MAP2K1: variants seen among roughly 807,000 people sequenced by gnomAD.
MAP2K1 encodes mitogen-activated protein kinase kinase 1.
MAP2K1 carries 16 observed loss-of-function variants against 46.3 expected under a neutral mutation model. That is an observed-to-expected ratio of 0.35 (90% CI 0.23 to 0.52). MAP2K1 has a LOEUF of 0.52. MAP2K1 is among the 20% of genes least tolerant of loss of function. The probability of loss-of-function intolerance (pLI) is 0.94; values close to 1 mark genes in which losing one functional copy is unlikely to be tolerated. For synonymous variants in MAP2K1, 183 were observed against 185.6 expected, an observed-to-expected ratio of 0.99 and a Z score of 0.11; for missense variants, 263 against 497.1, an observed-to-expected ratio of 0.53 and a Z score of 4.48.
rs574521311 is a variant in MAP2K1, at chr15:66,437,199, A to G, written c.438+307A>G. ...GTGATGTAAGTAAAATCTGGTAAAT[A>G]CAGTTTAAATCCATTTCTTGTGTAC... On this transcript the variant is annotated intron_variant, in intron 3 of 10. Transcript: ENST00000307102. 7.9e-5 allele frequency among the ~76,000 whole-genome samples: 12 copies of G among 152,292 alleles called. No individual in the cohort carries two copies. In the East Asian group the frequency reaches 1.9e-3, roughly 24 times the overall value.
Position 66,434,010 on chromosome 15 carries a change from G to A in MAP2K1, c.81-1017G>A, listed in dbSNP as rs559534261. On this transcript the variant is annotated intron_variant, in intron 1 of 10. Coordinates refer to ENST00000307102, the MANE Select transcript of MAP2K1 (RefSeq NM_002755.4). ...CCACTCGCTTCAGCACCCACTGGCT[G>A]AATTATGTGCTTACCAAGAGCCAGC... Among the ~76,000 whole-genome samples, 7 of 152,342 alleles carry A rather than the reference G, an allele frequency of 4.6e-5. No individual in the cohort carries two copies. The South Asian group carries it at 1.2e-3, about 27-fold the overall frequency.
At position 66,478,520 on chromosome 15, in the gene MAP2K1, A is replaced by T. The variant is rs1892835486; in HGVS notation, c.569-3235A>T. Reference sequence around the variant, plus strand: ...TATATATATATATTTTTTTTTTGAGACAAGAGTGTCACTCTTTGCCCAGGC... The same window carrying T: ...TATATATATATATTTTTTTTTTGAGTCAAGAGTGTCACTCTTTGCCCAGGC... On this transcript the variant is annotated intron_variant, in intron 5 of 10. Transcript: ENST00000307102. 3.4e-5 allele frequency among the ~76,000 whole-genome samples: 5 copies of T among 145,392 alleles called. No individual in the cohort carries two copies. The South Asian group carries it at 1.1e-3, about 31-fold the overall frequency.
At chr15:66,471,802 G>T (rs186726248) in intron 5 of MAP2K1, among the ~76,000 whole-genome samples, 1 of 152,052 alleles carries the variant, frequency 6.6e-6, no homozygotes, top group Admixed American at 6.6e-5. Flanking sequence ...GTTAGTGGCC[G>T]GGCATGGTGG....
At chr15:66,424,800 T>C (rs2093453046) in intron 1 of MAP2K1, among the ~76,000 whole-genome samples, 2 of 140,264 alleles carry the variant, frequency 1.4e-5, no homozygotes, top group African/African-American at 5.2e-5. Flanking sequence ...TCTTTTTTTT[T>C]TTTTTTTTTT....
At chr15:66,471,403 T>C (rs747745280) in intron 5 of MAP2K1, among the ~76,000 whole-genome samples, 2 of 152,212 alleles carry the variant, frequency 1.3e-5, no homozygotes, top group African/African-American at 4.8e-5. Flanking sequence ...GGAGTTACTA[T>C]TCCCACCTGA....
At chr15:66,443,585 A>G (rs556483424) in intron 4 of MAP2K1, among the ~76,000 whole-genome samples, 23 of 6,142 alleles carry the variant, frequency 3.7e-3, no homozygotes, top group African/African-American at 4.3e-3. Flanking sequence ...TGTCTTGAAA[A>G]ACGGGCCAGG....
At position 66,424,348 on chromosome 15, in the gene MAP2K1, G is replaced by A. The variant is rs538265206; in HGVS notation, c.81-10679G>A. ...GCTGGGATTACAGGCATGAGCCACC[G>A]TGTCCAGCCCGTGTCTTGTAATTTT... On this transcript the variant is annotated intron_variant, in intron 1 of 10. Coordinates refer to ENST00000307102, the MANE Select transcript of MAP2K1 (RefSeq NM_002755.4). 2.0e-4 allele frequency among the ~76,000 whole-genome samples: 30 copies of A among 152,274 alleles called. No homozygotes were observed. In the South Asian group the frequency reaches 4.6e-3, roughly 23 times the overall value.
chr15:66,485,095 G>C lies in MAP2K1; in HGVS notation c.799G>C (p.Asp267His), dbSNP rs2140674803. The C allele has an allele frequency of 1.2e-6, 2 of 1,614,052 alleles. No individual in the cohort carries two copies. The highest frequency in any genetic ancestry group is 1.1e-5 in the South Asian group (1 of 91,076). The stretch of plus-strand genomic sequence containing the variant: ...TGGGAGGTATCCCATCCCTCCTCCA[G>C]ATGCCAAGGAGCTGGAGCTGATGTT... The part of the protein sequence containing the change: ...AVGRYPIPPP[D>H]AKELELMFGC... The change falls in exon 7 of 11, where the codon GAT (aspartate) becomes CAT (histidine). Residue 267 changes from aspartate to histidine, a missense_variant. Transcript: ENST00000307102.
chr15:66,413,606 C>G (rs1416848022), intron 1 of MAP2K1, among the ~76,000 whole-genome samples: 1 of 143,088 alleles, frequency 7.0e-6, no homozygotes, highest in Non-Finnish European at 1.5e-5. Flanking sequence ...AATTCTCATC[C>G]ATTTCTGTAT....
rs1430324310 is a variant in MAP2K1 at position 66,444,713 on chromosome 15, A to G, written c.568+6A>G. On this transcript the variant is annotated splice_donor_region_variant and intron_variant, in intron 5 of 10. Transcript: ENST00000307102. ...GCACAAGATCATGCACAGAGGTAAG[A>G]AGTTATTTGCTAGTTATTTTGCTTT... is the stretch of plus-strand genomic sequence containing the variant. The G allele has an allele frequency of 2.5e-6, 4 of 1,609,988 alleles. No individual in the cohort carries two copies. The Admixed American group carries it at 5.0e-5, about 20-fold the overall frequency.
intron 5 of MAP2K1, among the ~76,000 whole-genome samples, chr15:66,466,957 A>G (rs1892483690): frequency 6.6e-6 from 1 of 152,042 alleles, no homozygotes; most frequent in Non-Finnish European, 1.5e-5. Context: ...TTAGAGTTTT[A>G]TAGTTGATTA....
chr15:66,432,683 A>G (rs1297975130), intron 1 of MAP2K1, among the ~76,000 whole-genome samples: 1 of 152,152 alleles, frequency 6.6e-6, no homozygotes. Context: ...CCTCCCTTGA[A>G]AGTATTGAGC....
chr15:66,468,581 C>T lies in MAP2K1; in HGVS notation c.569-13174C>T, dbSNP rs1263376481. ...CTGGATCTCTGAGTTCTGAGTAGAG[C>T]CCACACTGAATTCTGGGTCTCCAAA... On this transcript the variant is annotated intron_variant, in intron 5 of 10. Coordinates refer to ENST00000307102, the MANE Select transcript of MAP2K1 (RefSeq NM_002755.4). Among the ~76,000 whole-genome samples the T allele has an allele frequency of 2.0e-5, 3 of 152,160 alleles. No individual in the cohort carries two copies. The East Asian group carries it at 5.8e-4, about 29-fold the overall frequency.
chr15:66,465,465 G>A (rs1892439485), intron 5 of MAP2K1, among the ~76,000 whole-genome samples: 1 of 152,206 alleles, frequency 6.6e-6, no homozygotes, highest in African/African-American at 2.4e-5. Context: ...TCTATACAGT[G>A]TCTGTAATCT....
At chr15:66,427,359 A>G (rs1231544388) in intron 1 of MAP2K1, among the ~76,000 whole-genome samples, 1 of 152,042 alleles carries the variant, frequency 6.6e-6, no homozygotes, top group Non-Finnish European at 1.5e-5. Flanking sequence ...GGAGATCGAG[A>G]CCATCCTGGC....
intron 1 of MAP2K1, among the ~76,000 whole-genome samples, chr15:66,402,613 G>A (rs541869287): frequency 3.3e-5 from 5 of 152,100 alleles, no homozygotes; most frequent in East Asian, 1.9e-4. Flanking sequence ...ATTCTCTTGC[G>A]TCCTGAGTTA....
At chr15:66,390,132 T>A (rs2093353282) in intron 1 of MAP2K1, among the ~76,000 whole-genome samples, 1 of 152,148 alleles carries the variant, frequency 6.6e-6, no homozygotes, top group Non-Finnish European at 1.5e-5. Flanking sequence ...CTCTCCCTAG[T>A]TTGGTTTTTT....
intron 5 of MAP2K1, among the ~76,000 whole-genome samples, chr15:66,465,567 C>T (rs968437036): frequency 8.5e-5 from 13 of 152,074 alleles, no homozygotes; most frequent in Admixed American, 2.0e-4. Context: ...ATTTCATTTC[C>T]GCCTTTTAGT....
chr15:66,416,580 C>G (rs1374762960), intron 1 of MAP2K1, among the ~76,000 whole-genome samples: 2 of 152,198 alleles, frequency 1.3e-5, no homozygotes, highest in African/African-American at 2.4e-5. Flanking sequence ...TTGGAGCACT[C>G]CCCGAGGTTT....
Sources: gnomAD v4.1 joint callset for allele counts (sites outside exome capture counted in the v4.1 genomes callset) on GRCh38, gnomAD v4.1.1 for gene constraint, MANE v1.5 for transcripts, NCBI Gene and HGNC (gene_info 2026-07-23, HGNC 2026-07-21) for gene names.